Variants in ATP6V0E1 observed in about 807,000 individuals in gnomAD.
ATP6V0E1 encodes the protein V-type proton ATPase subunit e 1.
ATP6V0E1 carries 4 observed loss-of-function variants against 11.6 expected under a neutral mutation model. The observed-to-expected ratio is 0.35, with a 90% CI of 0.17 to 0.79. The LOEUF is 0.79. Ranked by LOEUF, ATP6V0E1 falls within the 30% of genes least tolerant of loss-of-function variation. The pLI is 0.54. For synonymous variants in ATP6V0E1, 36 were observed against 34.8 expected, an observed-to-expected ratio of 1.04 and a Z score of -0.13; for missense variants, 105 against 100.0, an observed-to-expected ratio of 1.05 and a Z score of -0.21.
intron 2 of ATP6V0E1, among the ~76,000 whole-genome samples, chr5:172,996,335 G>A (rs1581626119): frequency 6.6e-6 from 1 of 152,014 alleles, no homozygotes; most frequent in Admixed American, 6.6e-5. Context: ...CGAGGCGGGT[G>A]GATCACCAGG....
At chr5:173,026,680 T>C (rs553946344) in intron 3 of ATP6V0E1, among the ~76,000 whole-genome samples, 2 of 152,320 alleles carry the variant, frequency 1.3e-5, no homozygotes, top group African/African-American at 4.8e-5. Flanking sequence ...CCATTGATAA[T>C]CCTTTTGGGT....
Position 173,004,654 on chromosome 5 carries a change from G to A in ATP6V0E1, c.152+9832G>A, listed in dbSNP as rs146755441. On this transcript the variant is annotated intron_variant, in intron 2 of 3. Coordinates refer to ENST00000519374, the MANE Select transcript of ATP6V0E1 (RefSeq NM_003945.4). The stretch of plus-strand genomic sequence containing the variant: ...ATGGTCCTGGGAGGTTTCAAATGCC[G>A]GTAAAAATTGAGATAAGGAAAGATA... Among the ~76,000 whole-genome samples, 780 of 152,222 alleles carry A rather than the reference G, an allele frequency of 5.1e-3. 10 individuals carry two copies. The highest frequency in any genetic ancestry group is 0.017 in the African/African-American group (723 of 41,544).
At chr5:173,000,850 G>A (rs550013666) in intron 2 of ATP6V0E1, among the ~76,000 whole-genome samples, 2 of 152,000 alleles carry the variant, frequency 1.3e-5, no homozygotes, top group South Asian at 2.1e-4. Context: ...ACAGATGTGC[G>A]CCACCATGCC....
chr5:172,992,796 GTTTA>G (rs1416500091), intron 1 of ATP6V0E1, among the ~76,000 whole-genome samples: 1 of 151,610 alleles, frequency 6.6e-6, no homozygotes, highest in Non-Finnish European at 1.5e-5. Flanking sequence ...GGTTTTTTTT[GTTTA>G]TTTATTTATT....
At chr5:173,012,762 A>G (rs1756348171) in intron 2 of ATP6V0E1, among the ~76,000 whole-genome samples, 1 of 152,118 alleles carries the variant, frequency 6.6e-6, no homozygotes, top group Admixed American at 6.5e-5. Flanking sequence ...CTCAAAAAAA[A>G]AAAAAAGAAA....
intron 3 of ATP6V0E1, among the ~76,000 whole-genome samples, chr5:173,028,295 T>C (rs983735829): frequency 1.3e-5 from 2 of 152,202 alleles, no homozygotes; most frequent in African/African-American, 4.8e-5. Context: ...ACAGACAGAC[T>C]TAAGACAGGC....
chr5:173,033,263 T>C (rs1051600626), intron 3 of ATP6V0E1, among the ~76,000 whole-genome samples: 2 of 152,164 alleles, frequency 1.3e-5, no homozygotes, highest in East Asian at 3.9e-4. Flanking sequence ...CATCGTGCTG[T>C]AGAGAGTCTC....
intron 2 of ATP6V0E1, 84 bp downstream of exon 2, chr5:172,994,906 C>A: frequency 9.5e-7 from 1 of 1,055,320 alleles, no homozygotes; most frequent in Non-Finnish European, 1.4e-6. Context: ...GCTCATCCCT[C>A]ATGTAATATC....
intron 3 of ATP6V0E1, among the ~76,000 whole-genome samples, chr5:173,021,375 A>G (rs1195600051): frequency 1.3e-5 from 2 of 151,872 alleles, no homozygotes; most frequent in Non-Finnish European, 2.9e-5. Flanking sequence ...ATAATGGCGG[A>G]GGATGAAAGG....
At chr5:173,033,977 G>A (rs1320949340) in intron 3 of ATP6V0E1, among the ~76,000 whole-genome samples, 3 of 152,234 alleles carry the variant, frequency 2.0e-5, no homozygotes, top group Non-Finnish European at 4.4e-5. Context: ...GCAGCCTCCA[G>A]TACAAGACCA....
intron 2 of ATP6V0E1, among the ~76,000 whole-genome samples, chr5:173,016,870 C>T (rs1756408450): frequency 6.6e-6 from 1 of 152,174 alleles, no homozygotes; most frequent in Non-Finnish European, 1.5e-5. Flanking sequence ...TACCCTACTT[C>T]TAAGGATGGA....
Position 172,989,432 on chromosome 5 carries a change from G to A in ATP6V0E1, c.105-5343G>A, listed in dbSNP as rs570875011. 2.6e-5 allele frequency among the ~76,000 whole-genome samples: 4 copies of A among 152,296 alleles called. No individual in the cohort carries two copies. In the East Asian group the frequency reaches 7.7e-4, roughly 29 times the overall value. On this transcript the variant is annotated intron_variant, in intron 1 of 3. Coordinates refer to ENST00000519374, the MANE Select transcript of ATP6V0E1 (RefSeq NM_003945.4). ...CCAACTTTCAGCATTCTGATGTGCA[G>A]GGGTCTCTTGGGGAAGATAAATTAA...
Position 172,983,956 on chromosome 5 carries a change from T to C in ATP6V0E1, c.96T>C (p.Pro32=). 5 of 1,612,506 alleles carry C rather than the reference T, an allele frequency of 3.1e-6. No individual in the cohort carries two copies. The highest frequency in any genetic ancestry group is 4.2e-6 in the Non-Finnish European group (5 of 1,179,758). ...FLVPWFIPKG[P]NRGVIITMLV... is the part of the protein sequence containing the mutation. ...TGCCTTGGTTCATCCCTAAGGGTCC[T>C]AACCGGGGGTAAGTGCGTGAGGCCC... The change falls in exon 1 of 4, where the codon CCT becomes CCC. Residue 32 remains proline (P), a synonymous_variant. Coordinates refer to ENST00000519374, the MANE Select transcript of ATP6V0E1 (RefSeq NM_003945.4).
intron 2 of ATP6V0E1, among the ~76,000 whole-genome samples, chr5:173,012,085 G>A (rs1412748436): frequency 6.7e-6 from 1 of 150,036 alleles, no homozygotes; most frequent in African/African-American, 2.5e-5. Flanking sequence ...AGGCTGGAGT[G>A]CAGTGGCCCG....
At chr5:173,021,581 G>C (rs1255098581) in intron 3 of ATP6V0E1, among the ~76,000 whole-genome samples, 1 of 152,088 alleles carries the variant, frequency 6.6e-6, no homozygotes, top group Non-Finnish European at 1.5e-5. Flanking sequence ...TTCAAGATGA[G>C]ATTTGGGTGG....
At chr5:173,002,363 T>C (rs1197816335) in intron 2 of ATP6V0E1, among the ~76,000 whole-genome samples, 7 of 152,226 alleles carry the variant, frequency 4.6e-5, no homozygotes, top group African/African-American at 1.7e-4. Context: ...GTCTCTCAAA[T>C]TTCTCTTTAT....
At chr5:172,986,479 T>C (rs752098811) in intron 1 of ATP6V0E1, among the ~76,000 whole-genome samples, 2 of 151,754 alleles carry the variant, frequency 1.3e-5, no homozygotes, top group Non-Finnish European at 2.9e-5. Context: ...TTTAATTAGT[T>C]GGGTATGGTG....
chr5:172,994,642 C>T, intron 1 of ATP6V0E1, 133 bp from the exon 2 acceptor site: 1 of 712,128 alleles, frequency 1.4e-6, no homozygotes, highest in Non-Finnish European at 2.3e-6. Flanking sequence ...GATATTTGAG[C>T]AAATACAGAT....
chr5:173,004,600 G>A lies in ATP6V0E1; in HGVS notation c.152+9778G>A, dbSNP rs117628444. On this transcript the variant is annotated intron_variant, in intron 2 of 3. Transcript: ENST00000519374. ...TTACATCAAATAGTGAGATGAGTGC[G>A]GAGCAGTCTGGGGATGGGGTCATAA... Among the ~76,000 whole-genome samples the A allele has an allele frequency of 1.8e-4, 27 of 152,274 alleles. No homozygotes were observed. The East Asian group carries it at 5.2e-3, about 29-fold the overall frequency.
Sources: gnomAD v4.1 joint callset for allele counts (sites outside exome capture counted in the v4.1 genomes callset) on GRCh38, gnomAD v4.1.1 for gene constraint, MANE v1.5 for transcripts, NCBI Gene and HGNC (gene_info 2026-07-23, HGNC 2026-07-21) for gene names.